Variants in ASS1 observed in about 807,000 individuals in gnomAD.
ASS1 encodes argininosuccinate synthase.
ASS1 carries 58 observed loss-of-function variants against 60.5 expected under a neutral mutation model. The ratio of observed to expected loss-of-function variants is 0.96; its 90% CI spans 0.78 to 1.19. The LOEUF is 1.19. Among genes scored for constraint, ASS1 ranks in the 50% most tolerant of loss-of-function variants. The pLI is 0.00. For missense variants in ASS1, 454 were observed against 547.3 expected (o/e 0.83, Z 1.70); for synonymous variants, 200 against 206.9 (o/e 0.97, Z 0.29).
intron 11 of ASS1, among the ~76,000 whole-genome samples, chr9:130,482,507 T>C (rs867588394): frequency 1.4e-4 from 21 of 151,208 alleles, no homozygotes; most frequent in African/African-American, 4.9e-4. Context: ...GCATACGTGA[T>C]GAAAGTGTAT....
chr9:130,466,810 G>C lies in ASS1; in HGVS notation c.495+11G>C, dbSNP rs1564907727. ...ATGGAGTACGCAAAGGTATGGCCGAGTCTCCCCACCACCCCCAACCTTTCC... is the reference window on the plus strand; with the variant it reads ...ATGGAGTACGCAAAGGTATGGCCGACTCTCCCCACCACCCCCAACCTTTCC... On this transcript the variant is annotated intron_variant, in intron 6 of 14. Coordinates refer to ENST00000352480, the MANE Select transcript of ASS1 (RefSeq NM_054012.4). 12 of 1,613,838 alleles carry C rather than the reference G, an allele frequency of 7.4e-6. No homozygotes were observed. Among genetic ancestry groups the C allele is most frequent in the Non-Finnish European group, 8.5e-6 (10 of 1,179,800 alleles).
At chr9:130,455,267 A>C (rs1845423479) in intron 3 of ASS1, among the ~76,000 whole-genome samples, 1 of 148,532 alleles carries the variant, frequency 6.7e-6, no homozygotes, top group African/African-American at 2.5e-5. Context: ...TCATCTATCC[A>C]TCCATCCCAT....
rs149504164 is a variant in ASS1, at chr9:130,494,311, C to T, written c.971-556C>T. Among the ~76,000 whole-genome samples, 79 of 152,338 alleles carry T rather than the reference C, an allele frequency of 5.2e-4. No homozygotes were observed. The highest frequency in any genetic ancestry group is 1.9e-3 in the African/African-American group (77 of 41,574). ...GGCTGGTGCTGCTCAGTGCTAGGGG[C>T]TCCACATGAAATATTACTGTGACAT... is the stretch of plus-strand genomic sequence containing the variant. On this transcript the variant is annotated intron_variant, in intron 12 of 14. Coordinates refer to ENST00000352480, the MANE Select transcript of ASS1 (RefSeq NM_054012.4). This position sits in a 1 kb window ranked among gnomAD's most constrained non-coding sequence, Gnocchi z 4.3.
At chr9:130,480,571 C>CT (rs1305710395) in intron 11 of ASS1, 122 bp downstream of exon 11, 10 of 1,037,098 alleles carry the variant, frequency 9.6e-6, no homozygotes, top group African/African-American at 4.8e-5. Context: ...TGGGCACGTC[C>CT]TTTCACCACA....
chr9:130,484,002 T>G (rs1846237968), intron 11 of ASS1, among the ~76,000 whole-genome samples: 1 of 152,038 alleles, frequency 6.6e-6, no homozygotes, highest in Admixed American at 6.5e-5. Flanking sequence ...GGGAGACCTG[T>G]GAAGCAAAAA....
chr9:130,474,512 C>T (rs376467940), intron 8 of ASS1, among the ~76,000 whole-genome samples: 9 of 152,184 alleles, frequency 5.9e-5, no homozygotes, highest in Admixed American at 5.9e-4. Context: ...GTGGGGCCCT[C>T]GTACCGGCAC....
chr9:130,471,260 G>A (rs1845859675), intron 7 of ASS1, among the ~76,000 whole-genome samples: 2 of 152,200 alleles, frequency 1.3e-5, no homozygotes, highest in Non-Finnish European at 2.9e-5. Flanking sequence ...GAGCCCCGGG[G>A]CAGTCCCCAG....
At position 130,484,638 on chromosome 9, in the gene ASS1, CCTT is replaced by C. The variant is rs751205807; in HGVS notation, c.838+4192_838+4194del. ...CACAGAGGCTCAGCTGTCATTTCCT[CCTT>C]CTCTCTGCGCAGTGGTTTGTATGCC... On this transcript the variant is annotated intron_variant, in intron 11 of 14. Transcript: ENST00000352480. Among the ~76,000 whole-genome samples the C allele has an allele frequency of 1.3e-4, 20 of 152,280 alleles. No individual in the cohort carries two copies. In the East Asian group the frequency reaches 3.5e-3, roughly 26 times the overall value.
intron 11 of ASS1, among the ~76,000 whole-genome samples, chr9:130,484,835 G>A (rs1276181910): frequency 2.0e-5 from 3 of 150,472 alleles, no homozygotes; most frequent in African/African-American, 7.5e-5. Context: ...ACACACGTGC[G>A]CGCGCGCGCG....
chr9:130,489,239 A>ATT lies in ASS1; in HGVS notation c.839-93_839-92dup. 7.0e-7 allele frequency: 1 copy of ATT among 1,436,116 alleles called. No individual in the cohort carries two copies. Among genetic ancestry groups the ATT allele is most frequent in the Non-Finnish European group, 9.7e-7 (1 of 1,035,486 alleles). 89.0% of individuals were successfully genotyped at this position (1,436,116 alleles called of 1,614,324 possible). A position where few individuals can be genotyped will look rare whatever the true frequency, so the allele number is the denominator to read the frequency against. Reference sequence around the variant, plus strand: ...GTCTCCTGTCAGACGACTCATTATTATTATTATTTTTTTTTTTGTCATTTG... The same window carrying ATT: ...GTCTCCTGTCAGACGACTCATTATTATTTTATTATTTTTTTTTTTGTCATTTG... On this transcript the variant is annotated intron_variant, in intron 11 of 14. Transcript: ENST00000352480. This position sits in a 1 kb window ranked among gnomAD's most constrained non-coding sequence, Gnocchi z 4.1.
In ASS1 at chr9:130,446,973, A is replaced by C. The variant is rs111330207; in HGVS notation, c.-6+1978A>C. Among the ~76,000 whole-genome samples, 137 of 152,368 alleles carry C rather than the reference A, an allele frequency of 9.0e-4. 2 individuals carry two copies. Among genetic ancestry groups the C allele is most frequent in the Middle Eastern group, 6.8e-3 (2 of 292 alleles). ...CGACCAGGCACCCATAGGCACTTTGATATGAGTGGAACGAATGAATGAATG... is the reference window on the plus strand; with the variant it reads ...CGACCAGGCACCCATAGGCACTTTGCTATGAGTGGAACGAATGAATGAATG... On this transcript the variant is annotated intron_variant, in intron 1 of 14. Coordinates refer to ENST00000352480, the MANE Select transcript of ASS1 (RefSeq NM_054012.4).
At chr9:130,468,117 C>T (rs1472469924) in intron 6 of ASS1, among the ~76,000 whole-genome samples, 1 of 152,160 alleles carries the variant, frequency 6.6e-6, no homozygotes, top group Admixed American at 6.5e-5. Flanking sequence ...AATCTGAGCA[C>T]GTTCTAGAAG....
chr9:130,453,227 G>A (rs1845364924), intron 2 of ASS1, among the ~76,000 whole-genome samples: 1 of 152,232 alleles, frequency 6.6e-6, no homozygotes, highest in African/African-American at 2.4e-5. Context: ...ATCATGGGGT[G>A]CGAGGCTTGG....
chr9:130,460,721 C>G (rs1845569380), intron 4 of ASS1, among the ~76,000 whole-genome samples: 1 of 152,068 alleles, frequency 6.6e-6, no homozygotes, highest in African/African-American at 2.4e-5. Context: ...TTGGCTTCAT[C>G]CTGAGGGCAA....
At chr9:130,464,378 C>G (rs552767248) in intron 5 of ASS1, among the ~76,000 whole-genome samples, 2 of 152,322 alleles carry the variant, frequency 1.3e-5, no homozygotes, top group African/African-American at 4.8e-5. Context: ...TTCATTCTTC[C>G]CGGAGAGGCT....
chr9:130,450,306 C>T (rs575191736), intron 1 of ASS1: 272 of 987,862 alleles, frequency 2.8e-4, no homozygotes, highest in Admixed American at 7.4e-4. Context: ...AGATTCCAGA[C>T]GCCGGGAACT....
chr9:130,461,909 G>A (rs969283551), intron 4 of ASS1, among the ~76,000 whole-genome samples: 5 of 152,222 alleles, frequency 3.3e-5, no homozygotes, highest in African/African-American at 9.6e-5. Flanking sequence ...ACAGTGAAAT[G>A]TTGGGGGGAC....
chr9:130,449,603 C>CCTA, intron 1 of ASS1, among the ~76,000 whole-genome samples: 1 of 152,168 alleles, frequency 6.6e-6, no homozygotes, highest in South Asian at 2.1e-4. Context: ...TGGTCTTGTA[C>CCTA]CTATGAGCAG....
intron 9 of ASS1, 27 bp from the exon 10 acceptor site, chr9:130,479,689 G>A: frequency 3.8e-6 from 6 of 1,587,766 alleles, no homozygotes; most frequent in Non-Finnish European, 5.2e-6. Context: ...GGGCCCAGAG[G>A]CCCACTGCCC....
Sources: allele counts gnomAD v4.1 joint callset (sites outside exome capture counted in the v4.1 genomes callset), GRCh38; gene constraint gnomAD v4.1.1; non-coding constraint Gnocchi (gnomAD v3.1); transcripts MANE v1.5; gene names NCBI Gene and HGNC (gene_info 2026-07-23, HGNC 2026-07-21).